The following TAFA1 variants were observed in gnomAD, a reference collection of about 807,000 sequenced individuals.
The protein encoded by TAFA1 is chemokine-like protein TAFA-1.
A neutral mutation model predicts 18.5 loss-of-function variants in TAFA1; 4 were observed. That is an observed-to-expected ratio of 0.22 (90% confidence interval 0.11 to 0.49). The LOEUF (loss-of-function observed/expected upper bound fraction) is 0.49, where lower values mean the gene tolerates loss of function less well. Ranked by LOEUF, TAFA1 falls within the 20% of genes least tolerant of loss-of-function variation. The pLI, the probability that TAFA1 is intolerant of heterozygous loss-of-function variation, is 0.98. For missense variants in TAFA1, 147 were observed against 169.0 expected, an observed-to-expected ratio of 0.87 and a Z score of 0.72; for synonymous variants, 56 against 55.2, an observed-to-expected ratio of 1.01 and a Z score of -0.06.
intron 3 of TAFA1, among the ~76,000 whole-genome samples, chr3:68,453,230 A>T (rs1487798224): frequency 6.6e-6 from 1 of 152,200 alleles, no homozygotes; most frequent in East Asian, 1.9e-4. Flanking sequence ...CAAGAGAGCC[A>T]TTGCAGACTC....
intron 2 of TAFA1, among the ~76,000 whole-genome samples, chr3:68,096,576 T>A (rs944425406): frequency 2.6e-5 from 4 of 152,114 alleles, no homozygotes; most frequent in African/African-American, 9.7e-5. Context: ...AGCTACATTT[T>A]TCCAGCTGGG....
At chr3:68,493,775 A>G (rs1004252073) in intron 3 of TAFA1, among the ~76,000 whole-genome samples, 8 of 152,236 alleles carry the variant, frequency 5.3e-5, no homozygotes, top group Non-Finnish European at 1.0e-4. Flanking sequence ...TTAAAAAGAA[A>G]TTGAAGGCTG....
At chr3:68,231,344 ATTTTTTTTT>A (rs1175174572) in intron 2 of TAFA1, among the ~76,000 whole-genome samples, 3 of 79,852 alleles carry the variant, frequency 3.8e-5, no homozygotes, top group South Asian at 4.4e-4. Context: ...AATCTATTTG[ATTTTTTTTT>A]TTTTTTTTTT....
At chr3:68,365,713 TGGTGGAA>T (rs1388041894) in intron 2 of TAFA1, among the ~76,000 whole-genome samples, 2 of 152,182 alleles carry the variant, frequency 1.3e-5, no homozygotes, top group Non-Finnish European at 2.9e-5. Flanking sequence ...CTCACAATCA[TGGTGGAA>T]GGTGAAAGGC....
At chr3:68,331,902 C>T (rs564481535) in intron 2 of TAFA1, among the ~76,000 whole-genome samples, 8 of 106,926 alleles carry the variant, frequency 7.5e-5, no homozygotes, top group East Asian at 3.3e-4. Flanking sequence ...CTCGCTCTTT[C>T]GCCCAGGCTG....
At chr3:68,273,448 A>G (rs778394959) in intron 2 of TAFA1, among the ~76,000 whole-genome samples, 1 of 152,226 alleles carries the variant, frequency 6.6e-6, no homozygotes, top group African/African-American at 2.4e-5. Flanking sequence ...ATCTTATTTC[A>G]TCCTCATAAC....
intron 2 of TAFA1, among the ~76,000 whole-genome samples, chr3:68,406,914 A>C (rs1437719718): frequency 6.6e-6 from 1 of 152,228 alleles, no homozygotes; most frequent in African/African-American, 2.4e-5. Context: ...GGGGTAGACC[A>C]GTTGCTAAAA....
chr3:68,118,696 T>C (rs1383807931), intron 2 of TAFA1, among the ~76,000 whole-genome samples: 1 of 152,244 alleles, frequency 6.6e-6, no homozygotes, highest in Non-Finnish European at 1.5e-5. Flanking sequence ...TTGTTACATA[T>C]AGCAAGATTT....
intron 3 of TAFA1, among the ~76,000 whole-genome samples, chr3:68,493,860 G>C (rs1464476006): frequency 6.6e-6 from 1 of 152,174 alleles, no homozygotes; most frequent in Non-Finnish European, 1.5e-5. Flanking sequence ...AGTGGGGTGA[G>C]ACAGCATCTG....
intron 2 of TAFA1, among the ~76,000 whole-genome samples, chr3:68,385,937 G>A (rs1156248953): frequency 6.6e-6 from 1 of 151,992 alleles, no homozygotes; most frequent in South Asian, 2.1e-4. Flanking sequence ...TGGGAGCATT[G>A]AGTATCCTTT....
intron 2 of TAFA1, among the ~76,000 whole-genome samples, chr3:68,244,096 T>C (rs537617070): frequency 5.0e-4 from 76 of 152,324 alleles, no homozygotes; most frequent in Non-Finnish European, 6.9e-4. Context: ...TTCAGTGAAA[T>C]GTCCATGTCT....
chr3:68,055,875 G>A (rs1031801397), intron 2 of TAFA1, among the ~76,000 whole-genome samples: 3 of 152,034 alleles, frequency 2.0e-5, no homozygotes, highest in Non-Finnish European at 2.9e-5. Context: ...TCCTAGCCCC[G>A]ATTTTCAGCC....
intron 3 of TAFA1, among the ~76,000 whole-genome samples, chr3:68,420,866 G>A (rs2070943553): frequency 6.6e-6 from 1 of 152,132 alleles, no homozygotes; most frequent in Admixed American, 6.5e-5. Flanking sequence ...CTAATGCAGG[G>A]AAGGCAGGCA....
chr3:68,348,767 A>G (rs975668423), intron 2 of TAFA1, among the ~76,000 whole-genome samples: 2 of 152,140 alleles, frequency 1.3e-5, no homozygotes, highest in African/African-American at 2.4e-5. Context: ...ATCTGAAAGC[A>G]ATTTTAAAAA....
At chr3:68,054,662 C>T (rs2064511969) in intron 2 of TAFA1, among the ~76,000 whole-genome samples, 1 of 152,202 alleles carries the variant, frequency 6.6e-6, no homozygotes, top group Non-Finnish European at 1.5e-5. Flanking sequence ...ACTACAACAG[C>T]AGAGGTGAAT....
chr3:68,030,789 A>C (rs984252433), intron 2 of TAFA1, among the ~76,000 whole-genome samples: 1 of 152,092 alleles, frequency 6.6e-6, no homozygotes. Context: ...ACTTGATGGA[A>C]TTTTAAGCCA....
intron 2 of TAFA1, among the ~76,000 whole-genome samples, chr3:68,106,372 T>C (rs1440907960): frequency 6.6e-6 from 1 of 152,168 alleles, no homozygotes; most frequent in Non-Finnish European, 1.5e-5. Flanking sequence ...AAAGAGGCTA[T>C]TGAGCCCTTG....
At chr3:68,065,763 TATACAC>T (rs1438995395) in intron 2 of TAFA1, among the ~76,000 whole-genome samples, 89 of 138,150 alleles carry the variant, frequency 6.4e-4, no homozygotes, top group African/African-American at 2.3e-3. Flanking sequence ...TATATATATA[TATACAC>T]ACACATTACC....
At chr3:68,253,191 GC>G (rs1375048308) in intron 2 of TAFA1, among the ~76,000 whole-genome samples, 4 of 152,104 alleles carry the variant, frequency 2.6e-5, no homozygotes, top group African/African-American at 9.7e-5. Context: ...ACTTATAAAA[GC>G]ATTTAGAAAA....
Sources: gnomAD v4.1 joint callset for allele counts (sites outside exome capture counted in the v4.1 genomes callset) on GRCh38, gnomAD v4.1.1 for gene constraint, MANE v1.5 for transcripts, NCBI Gene and HGNC (gene_info 2026-07-23, HGNC 2026-07-21) for gene names.